CDK15: variants seen among roughly 807,000 people sequenced by gnomAD.
CDK15 encodes the protein cyclin-dependent kinase 15.
Under a neutral mutation model 60.3 loss-of-function variants are expected in CDK15, and 62 were observed. The ratio of observed to expected loss-of-function variants is 1.03; its 90% confidence interval spans 0.84 to 1.27. The LOEUF (loss-of-function observed/expected upper bound fraction) is 1.27, where lower values mean the gene tolerates loss of function less well. Among genes scored for constraint, CDK15 ranks in the 50% most tolerant of loss-of-function variants. The probability of loss-of-function intolerance (pLI) is 0.00; values close to 1 mark genes in which losing one functional copy is unlikely to be tolerated. For missense variants in CDK15, 541 were observed against 527.8 expected (o/e 1.03, Z -0.25); for synonymous variants, 194 against 195.7 (o/e 0.99, Z 0.07).
Position 201,881,900 on chromosome 2 carries a change from C to T in CDK15, c.1198+1733C>T, listed in dbSNP as rs139797480. Among the ~76,000 whole-genome samples, 89 of 152,250 alleles carry T rather than the reference C, an allele frequency of 5.8e-4. 1 individual carries two copies. In the East Asian group the frequency reaches 0.014, roughly 25 times the overall value. ...GTACACGCTTGGATGTACATACACA[C>T]GCACACACACACACACTCCCTTCTC... On this transcript the variant is annotated intron_variant, in intron 12 of 13. Transcript: ENST00000652192.
At chr2:201,874,158 T>G (rs542645769) in intron 11 of CDK15, among the ~76,000 whole-genome samples, 1 of 152,290 alleles carries the variant, frequency 6.6e-6, no homozygotes, top group South Asian at 2.1e-4. Context: ...ATGTGGCTAT[T>G]TAACTTCTTA....
intron 4 of CDK15, among the ~76,000 whole-genome samples, chr2:201,816,019 A>G (rs895853579): frequency 6.6e-6 from 1 of 152,244 alleles, no homozygotes; most frequent in African/African-American, 2.4e-5. Context: ...GAATTTGGAA[A>G]TGCTTAACTA....
intron 8 of CDK15, among the ~76,000 whole-genome samples, chr2:201,845,008 G>A (rs2105769407): frequency 6.6e-6 from 1 of 152,174 alleles, no homozygotes; most frequent in South Asian, 2.1e-4. Flanking sequence ...AATTAGCCAG[G>A]CATGCTGGTG....
intron 8 of CDK15, among the ~76,000 whole-genome samples, chr2:201,836,083 T>TA: frequency 9.5e-6 from 1 of 104,998 alleles, no homozygotes; most frequent in South Asian, 2.6e-4. Flanking sequence ...TTTATATATA[T>TA]TTATATATTT....
At chr2:201,874,607 C>T (rs1468762717) in intron 11 of CDK15, among the ~76,000 whole-genome samples, 1 of 152,108 alleles carries the variant, frequency 6.6e-6, no homozygotes, top group Non-Finnish European at 1.5e-5. Context: ...GAGTAACAAG[C>T]AGCCGAAGTG....
chr2:201,878,889 C>A, intron 11 of CDK15, among the ~76,000 whole-genome samples: 1 of 152,172 alleles, frequency 6.6e-6, no homozygotes, highest in East Asian at 1.9e-4. Flanking sequence ...CTAATACTAT[C>A]ACTTTGGTGA....
chr2:201,886,412 A>G (rs1699451879), intron 12 of CDK15, among the ~76,000 whole-genome samples: 1 of 150,250 alleles, frequency 6.7e-6, no homozygotes, highest in African/African-American at 2.5e-5. Context: ...TGCAATCTCC[A>G]TGTCCCAGGT....
rs149317483 is a variant in CDK15, at chr2:201,887,886, C to T, written c.1199-2899C>T. 6.9e-3 allele frequency among the ~76,000 whole-genome samples: 1,055 copies of T among 152,158 alleles called. 6 individuals are homozygous for T. Among genetic ancestry groups the T allele is most frequent in the African/African-American group, 0.011 (447 of 41,526 alleles). ...ATACATACACATGAGCTAAAATTAC[C>T]GCATAATCACGAGGATGTGTGCACT... On this transcript the variant is annotated intron_variant, in intron 12 of 13. Transcript: ENST00000652192.
chr2:201,841,278 A>G (rs1289757483), intron 8 of CDK15, among the ~76,000 whole-genome samples: 1 of 152,246 alleles, frequency 6.6e-6, no homozygotes, highest in African/African-American at 2.4e-5. Context: ...CATGAATTTA[A>G]CCATGAGCAA....
In CDK15 at chr2:201,881,901, G is replaced by GCACACACA. The variant is rs113030228; in HGVS notation, c.1198+1742_1198+1749dup. 1.9e-3 allele frequency among the ~76,000 whole-genome samples: 282 copies of GCACACACA among 151,018 alleles called. 1 individual carries two copies. Among genetic ancestry groups the GCACACACA allele is most frequent in the Middle Eastern group, 0.017 (5 of 292 alleles). On this transcript the variant is annotated intron_variant, in intron 12 of 13. Coordinates refer to ENST00000652192, the MANE Select transcript of CDK15 (RefSeq NM_001366386.2). ...TACACGCTTGGATGTACATACACAC[G>GCACACACA]CACACACACACACACTCCCTTCTCT...
chr2:201,867,158 T>C (rs1000134343), intron 10 of CDK15, among the ~76,000 whole-genome samples: 3 of 152,212 alleles, frequency 2.0e-5, no homozygotes, highest in Admixed American at 6.5e-5. Context: ...AACATGTATA[T>C]ACATTGATTA....
At chr2:201,861,047 T>C in intron 10 of CDK15, 11 of 1,130,974 alleles carry the variant, frequency 9.7e-6, no homozygotes, top group Non-Finnish European at 1.2e-5. Context: ...CCAAGGGAGT[T>C]ATTCAGTGGG....
intron 4 of CDK15, among the ~76,000 whole-genome samples, chr2:201,820,594 G>C (rs1696177443): frequency 6.6e-6 from 1 of 152,130 alleles, no homozygotes; most frequent in Non-Finnish European, 1.5e-5. Context: ...ACAGGGCCAG[G>C]ATTCATATTA....
intron 11 of CDK15, among the ~76,000 whole-genome samples, chr2:201,872,854 G>A (rs1056744210): frequency 6.6e-5 from 10 of 152,258 alleles, no homozygotes; most frequent in African/African-American, 1.7e-4. Context: ...GGCAACCTCC[G>A]GGCTAAGAAG....
rs971970293 is a variant in CDK15, at chr2:201,842,862, C to G, written c.852-4519C>G. 5.9e-5 allele frequency among the ~76,000 whole-genome samples: 9 copies of G among 151,758 alleles called. 1 individual carries two copies. In the East Asian group the frequency reaches 1.8e-3, roughly 30 times the overall value. On this transcript the variant is annotated intron_variant, in intron 8 of 13. Transcript: ENST00000652192. ...TTTGATGTCACAGGGTCTTTTCTCC[C>G]CTGCATATGAATTTCCCCTTCGTCT...
At chr2:201,880,529 A>G (rs1699239239) in intron 12 of CDK15, among the ~76,000 whole-genome samples, 1 of 152,202 alleles carries the variant, frequency 6.6e-6, no homozygotes, top group South Asian at 2.1e-4. Context: ...TGTTTCTAAC[A>G]AGACTCTTCT....
intron 8 of CDK15, among the ~76,000 whole-genome samples, chr2:201,839,980 TTG>T (rs1383743239): frequency 1.0e-5 from 1 of 96,260 alleles, no homozygotes; most frequent in Admixed American, 9.4e-5. Context: ...TTTTTTGTTT[TTG>T]TTTTTGTTTT....
chr2:201,853,890 G>A (rs968302950), intron 9 of CDK15, among the ~76,000 whole-genome samples: 5 of 152,116 alleles, frequency 3.3e-5, no homozygotes, highest in African/African-American at 4.8e-5. Context: ...GGCCAGGCGC[G>A]GTTGCTCATG....
intron 10 of CDK15, among the ~76,000 whole-genome samples, chr2:201,856,005 T>C (rs565138976): frequency 3.9e-4 from 60 of 152,180 alleles, no homozygotes; most frequent in African/African-American, 1.4e-3. Context: ...TTTTTGTATT[T>C]TTAGTAGAGA....
Sources: allele counts gnomAD v4.1 joint callset (sites outside exome capture counted in the v4.1 genomes callset), GRCh38; gene constraint gnomAD v4.1.1; transcripts MANE v1.5; gene names NCBI Gene and HGNC (gene_info 2026-07-23, HGNC 2026-07-21).